Variants in ATXN7L1 observed in about 807,000 individuals in gnomAD.
ATXN7L1 encodes the protein ataxin 7 like 1.
ATXN7L1 carries 15 observed loss-of-function variants against 70.8 expected under a neutral mutation model. The ratio of observed to expected loss-of-function variants is 0.21; its 90% confidence interval spans 0.14 to 0.33. The LOEUF is 0.33. Ranked by LOEUF, ATXN7L1 falls within the 10% of genes least tolerant of loss-of-function variation. The pLI, the probability that ATXN7L1 is intolerant of heterozygous loss-of-function variation, is 1.00. For synonymous variants in ATXN7L1, 440 were observed against 445.1 expected (o/e 0.99, Z 0.14); for missense variants, 975 against 1,097.1 (o/e 0.89, Z 1.57).
intron 7 of ATXN7L1, among the ~76,000 whole-genome samples, chr7:105,629,115 G>C (rs943452277): frequency 2.0e-5 from 3 of 151,846 alleles, no homozygotes; most frequent in African/African-American, 7.3e-5. Flanking sequence ...CTACAGGCAT[G>C]AGCCACTGAG....
chr7:105,677,374 C>A (rs896605337), intron 3 of ATXN7L1, among the ~76,000 whole-genome samples: 2 of 152,230 alleles, frequency 1.3e-5, no homozygotes, highest in African/African-American at 4.8e-5. Flanking sequence ...ATACCCACAT[C>A]ATGGAGTTAC....
At position 105,806,892 on chromosome 7, in the gene ATXN7L1, T is replaced by C. The variant is rs998749053; in HGVS notation, c.251-18184A>G. Among the ~76,000 whole-genome samples the C allele has an allele frequency of 4.0e-5, 6 of 150,848 alleles. No homozygotes were observed. The Admixed American group carries it at 4.0e-4, about 10-fold the overall frequency. On this transcript the variant is annotated intron_variant, in intron 2 of 11. Coordinates refer to ENST00000419735, the MANE Select transcript of ATXN7L1 (RefSeq NM_020725.2). Reference sequence around the variant, plus strand: ...ATAGGGTGTGGAAGTCAACTGGCAGTTGCTGTGGGGGGATGTACAACCAAG... The same window carrying C: ...ATAGGGTGTGGAAGTCAACTGGCAGCTGCTGTGGGGGGATGTACAACCAAG...
At chr7:105,638,133 GATA>G (rs1293174309) in intron 7 of ATXN7L1, among the ~76,000 whole-genome samples, 3 of 152,212 alleles carry the variant, frequency 2.0e-5, no homozygotes, top group African/African-American at 4.8e-5. Context: ...TGACAGTGAT[GATA>G]ATAATGATGA....
chr7:105,700,397 C>CT (rs1792287346), intron 3 of ATXN7L1, among the ~76,000 whole-genome samples: 2 of 149,454 alleles, frequency 1.3e-5, no homozygotes, highest in Admixed American at 1.4e-4. Context: ...GTCCCAGCTA[C>CT]TTAGGAGGCT....
intron 3 of ATXN7L1, among the ~76,000 whole-genome samples, chr7:105,680,948 G>A (rs1242628515): frequency 6.6e-6 from 1 of 152,186 alleles, no homozygotes; most frequent in Non-Finnish European, 1.5e-5. Flanking sequence ...TTGCAGCCCT[G>A]CTCTCCCTCC....
chr7:105,764,370 T>A (rs547478823), intron 3 of ATXN7L1, among the ~76,000 whole-genome samples: 38 of 150,906 alleles, frequency 2.5e-4, no homozygotes, highest in African/African-American at 9.0e-4. Context: ...CAAAGTATAG[T>A]CCCAGGGCCA....
chr7:105,674,801 A>C (rs760735041), intron 3 of ATXN7L1, among the ~76,000 whole-genome samples: 2 of 152,118 alleles, frequency 1.3e-5, no homozygotes, highest in Non-Finnish European at 2.9e-5. Context: ...TAAGGTGCAA[A>C]TTTCTGGCAT....
At chr7:105,853,403 A>T (rs190779899) in intron 2 of ATXN7L1, among the ~76,000 whole-genome samples, 3 of 152,292 alleles carry the variant, frequency 2.0e-5, no homozygotes, top group Non-Finnish European at 4.4e-5. Context: ...AAATACAACC[A>T]TTAGGCTGGG....
intron 3 of ATXN7L1, among the ~76,000 whole-genome samples, chr7:105,674,644 C>T (rs1023259217): frequency 8.5e-5 from 13 of 152,230 alleles, no homozygotes; most frequent in Non-Finnish European, 1.2e-4. Flanking sequence ...TTTCCCTCCA[C>T]GCTTTAGAAA....
chr7:105,831,121 G>C (rs999721172), intron 2 of ATXN7L1, among the ~76,000 whole-genome samples: 2 of 152,210 alleles, frequency 1.3e-5, no homozygotes, highest in African/African-American at 4.8e-5. Context: ...TGGGGTGACT[G>C]GGGCCTAGAG....
chr7:105,667,983 G>A (rs892935266), intron 3 of ATXN7L1, among the ~76,000 whole-genome samples: 1 of 152,146 alleles, frequency 6.6e-6, no homozygotes, highest in Non-Finnish European at 1.5e-5. Flanking sequence ...CTTACTCAAA[G>A]CTGGTGGTGG....
At chr7:105,815,827 T>G (rs1809103136) in intron 2 of ATXN7L1, among the ~76,000 whole-genome samples, 1 of 152,208 alleles carries the variant, frequency 6.6e-6, no homozygotes, top group Non-Finnish European at 1.5e-5. Context: ...AGGTGGAAGA[T>G]TCGGGAGCTG....
chr7:105,763,341 C>T (rs1365666623), intron 3 of ATXN7L1, among the ~76,000 whole-genome samples: 1 of 152,214 alleles, frequency 6.6e-6, no homozygotes, highest in Non-Finnish European at 1.5e-5. Flanking sequence ...AGGACTCTTT[C>T]CCAAGAAGGG....
intron 3 of ATXN7L1, among the ~76,000 whole-genome samples, chr7:105,758,427 A>T (rs1364433794): frequency 6.6e-6 from 1 of 152,234 alleles, no homozygotes; most frequent in Non-Finnish European, 1.5e-5. Flanking sequence ...CTGAGCAGTG[A>T]ACCTTGCTCC....
intron 2 of ATXN7L1, among the ~76,000 whole-genome samples, chr7:105,847,228 C>A (rs1814186808): frequency 6.6e-6 from 1 of 152,132 alleles, no homozygotes; most frequent in Non-Finnish European, 1.5e-5. Flanking sequence ...CTCTGAAGAC[C>A]AGTTACCATG....
chr7:105,671,557 C>T (rs1306138319), intron 3 of ATXN7L1, among the ~76,000 whole-genome samples: 1 of 151,818 alleles, frequency 6.6e-6, no homozygotes, highest in Non-Finnish European at 1.5e-5. Context: ...AGCCAGCAAC[C>T]TCTGCTCTCA....
In ATXN7L1 at chr7:105,788,584, C is replaced by A; in HGVS notation, c.355+20G>T. The A allele has an allele frequency of 2.5e-6, 4 of 1,580,166 alleles. No homozygotes were observed. The highest frequency in any genetic ancestry group is 3.5e-6 in the Non-Finnish European group (4 of 1,149,250). On this transcript the variant is annotated intron_variant, in intron 3 of 11. Transcript: ENST00000419735. ...GGGCGGCAGCTGCAGATGTGGCCGA[C>A]GGTGCAGGGGTCCACTTACCGCAGT...
intron 3 of ATXN7L1, among the ~76,000 whole-genome samples, chr7:105,695,829 C>T (rs898882239): frequency 2.6e-5 from 4 of 152,208 alleles, no homozygotes; most frequent in African/African-American, 9.7e-5. Flanking sequence ...TGGCCTGATA[C>T]TACTTTTATG....
intron 3 of ATXN7L1, among the ~76,000 whole-genome samples, chr7:105,689,014 C>G (rs978552272): frequency 6.6e-6 from 1 of 152,158 alleles, no homozygotes; most frequent in Non-Finnish European, 1.5e-5. Flanking sequence ...AAAGTGAGGT[C>G]GCTGTTAGCA....
Sources: allele counts gnomAD v4.1 joint callset (sites outside exome capture counted in the v4.1 genomes callset), GRCh38; gene constraint gnomAD v4.1.1; transcripts MANE v1.5; gene names NCBI Gene and HGNC (gene_info 2026-07-23, HGNC 2026-07-21).